The following RORA variants were observed in gnomAD, a reference collection of about 807,000 sequenced individuals.
RORA encodes the protein RAR related orphan receptor A.
Under a neutral mutation model 69.5 loss-of-function variants are expected in RORA, and 7 were observed. The ratio of observed to expected loss-of-function variants is 0.10; its 90% CI spans 0.06 to 0.19. The LOEUF is 0.19. RORA is among the 10% of genes least tolerant of loss of function. The pLI, the probability that RORA is intolerant of heterozygous loss-of-function variation, is 1.00. For missense variants in RORA, 457 were observed against 663.0 expected (o/e 0.69, Z 3.41); for synonymous variants, 261 against 240.8 (o/e 1.08, Z -0.78).
intron 2 of RORA, among the ~76,000 whole-genome samples, chr15:60,624,909 C>A (rs982049243): frequency 6.6e-6 from 1 of 152,070 alleles, no homozygotes; most frequent in Non-Finnish European, 1.5e-5. Context: ...ATTATCAAGG[C>A]TTTGGAAAAA....
chr15:60,784,544 G>A (rs2072309529), intron 1 of RORA, among the ~76,000 whole-genome samples: 1 of 152,200 alleles, frequency 6.6e-6, no homozygotes, highest in Non-Finnish European at 1.5e-5. Context: ...ACCACTGCCT[G>A]ATTCACCCTT....
chr15:60,526,709 C>T lies in RORA; in HGVS notation c.282+5057G>A, dbSNP rs539442680. Among the ~76,000 whole-genome samples, 84 of 152,176 alleles carry T rather than the reference C, an allele frequency of 5.5e-4. 1 individual carries two copies. The South Asian group carries it at 0.015, about 27-fold the overall frequency. On this transcript the variant is annotated intron_variant, in intron 3 of 10. Transcript: ENST00000335670. ...AAATGCCCAGCTCTAATACTGGGGC[C>T]ACGTATTAAAATAAAAATGAGCATG...
chr15:61,152,356 T>C (rs1426825211), intron 1 of RORA, among the ~76,000 whole-genome samples: 1 of 152,048 alleles, frequency 6.6e-6, no homozygotes, highest in Non-Finnish European at 1.5e-5. Flanking sequence ...AACATGCCCA[T>C]TCACTGTGAG....
At chr15:60,573,808 A>G (rs1223657903) in intron 2 of RORA, among the ~76,000 whole-genome samples, 5 of 152,120 alleles carry the variant, frequency 3.3e-5, no homozygotes, top group Non-Finnish European at 7.4e-5. Context: ...CTGTGCTCCT[A>G]TCGTCTCCTG....
chr15:61,017,260 G>A (rs1895327742), intron 1 of RORA, among the ~76,000 whole-genome samples: 1 of 152,132 alleles, frequency 6.6e-6, no homozygotes, highest in African/African-American at 2.4e-5. Flanking sequence ...GTGTAGACAT[G>A]GATTTTCACA....
intron 2 of RORA, among the ~76,000 whole-genome samples, chr15:60,673,368 T>C (rs1025922562): frequency 6.6e-6 from 1 of 152,170 alleles, no homozygotes; most frequent in Admixed American, 6.5e-5. Flanking sequence ...CCTGTTAAGC[T>C]TAGGAGGGCT....
intron 1 of RORA, among the ~76,000 whole-genome samples, chr15:60,770,172 C>G (rs888236061): frequency 1.3e-5 from 2 of 152,060 alleles, no homozygotes; most frequent in Non-Finnish European, 2.9e-5. Context: ...TGAATGCTGC[C>G]CATTTAAATT....
rs117605488 is a variant in RORA at position 61,197,617 on chromosome 15, G to A, written c.166+31436C>T. On this transcript the variant is annotated intron_variant, in intron 1 of 10. Coordinates refer to ENST00000335670, the MANE Select transcript of RORA (RefSeq NM_134261.3). ...AACCTCTCATTCTAAACCGGGCTCC[G>A]TCAGGTGAGGCTGAGAGAAGGACAT... Among the ~76,000 whole-genome samples the A allele has an allele frequency of 9.6e-3, 1,455 of 152,284 alleles. 9 individuals carry two copies. Among genetic ancestry groups the A allele is most frequent in the Middle Eastern group, 0.024 (7 of 294 alleles).
chr15:60,783,139 A>C (rs547490113), intron 1 of RORA, among the ~76,000 whole-genome samples: 5 of 152,362 alleles, frequency 3.3e-5, no homozygotes, highest in African/African-American at 1.2e-4. Context: ...TTGATAATGG[A>C]ATAGTAAAAA....
At chr15:60,573,124 T>C (rs1016706860) in intron 2 of RORA, among the ~76,000 whole-genome samples, 3 of 152,220 alleles carry the variant, frequency 2.0e-5, no homozygotes, top group Non-Finnish European at 4.4e-5. Context: ...GGGTTTCTAG[T>C]ATCAAAGACA....
At chr15:60,627,600 T>A in intron 2 of RORA, 1 of 1,150,368 alleles carries the variant, frequency 8.7e-7, no homozygotes, top group Non-Finnish European at 1.1e-6. Flanking sequence ...AATTGTTGAC[T>A]AAATTCCAAA....
chr15:60,684,959 C>G (rs2070718559), intron 1 of RORA, among the ~76,000 whole-genome samples: 1 of 152,122 alleles, frequency 6.6e-6, no homozygotes, highest in African/African-American at 2.4e-5. Flanking sequence ...TTTTCTTATT[C>G]CATAAAATGG....
chr15:60,690,993 C>T (rs1267441600), intron 1 of RORA, among the ~76,000 whole-genome samples: 5 of 152,198 alleles, frequency 3.3e-5, no homozygotes, highest in South Asian at 4.1e-4. Context: ...CTACATGATC[C>T]GGCCTGCCTG....
At chr15:61,216,558 T>C (rs1294996253) in intron 1 of RORA, among the ~76,000 whole-genome samples, 1 of 151,358 alleles carries the variant, frequency 6.6e-6, no homozygotes, top group Non-Finnish European at 1.5e-5. Flanking sequence ...GAATGATGGG[T>C]TGGTGAAAAG....
At chr15:60,551,938 GAAAC>G (rs773817943) in intron 2 of RORA, among the ~76,000 whole-genome samples, 5 of 152,232 alleles carry the variant, frequency 3.3e-5, no homozygotes, top group Non-Finnish European at 5.9e-5. Context: ...AGTGTGAACA[GAAAC>G]AATTCACTTG....
chr15:61,120,787 C>A (rs561387312), intron 1 of RORA, among the ~76,000 whole-genome samples: 1 of 150,428 alleles, frequency 6.6e-6, no homozygotes, highest in Admixed American at 6.6e-5. Flanking sequence ...CTATATACTA[C>A]GGAGAAATTA....
intron 1 of RORA, among the ~76,000 whole-genome samples, chr15:60,817,291 C>T (rs948572210): frequency 1.3e-5 from 2 of 152,162 alleles, no homozygotes; most frequent in African/African-American, 4.8e-5. Flanking sequence ...TTAGACTATA[C>T]TGCATTCTAT....
intron 1 of RORA, among the ~76,000 whole-genome samples, chr15:61,173,477 G>A (rs2079602572): frequency 6.6e-6 from 1 of 152,156 alleles, no homozygotes; most frequent in Non-Finnish European, 1.5e-5. Context: ...ACCCATTCAG[G>A]TCTTCATGGA....
At chr15:60,602,346 A>G (rs1033698995) in intron 2 of RORA, among the ~76,000 whole-genome samples, 2 of 152,226 alleles carry the variant, frequency 1.3e-5, no homozygotes, top group African/African-American at 2.4e-5. Context: ...TGATATTATC[A>G]TATTTGCTCT....
Sources: gnomAD v4.1 joint callset for allele counts (sites outside exome capture counted in the v4.1 genomes callset) on GRCh38, gnomAD v4.1.1 for gene constraint, MANE v1.5 for transcripts, NCBI Gene and HGNC (gene_info 2026-07-23, HGNC 2026-07-21) for gene names.